Variants in PTPRN2 observed in about 807,000 individuals in gnomAD.
The protein encoded by PTPRN2 is protein tyrosine phosphatase receptor type N2.
PTPRN2 carries 74 observed loss-of-function variants against 118.8 expected under a neutral mutation model. The observed-to-expected ratio is 0.62, with a 90% CI of 0.52 to 0.76. The LOEUF (loss-of-function observed/expected upper bound fraction) is 0.76. Ranked by LOEUF, PTPRN2 falls within the 30% of genes least tolerant of loss-of-function variation. The probability of loss-of-function intolerance (pLI) is 0.00; values close to 1 mark genes in which losing one functional copy is unlikely to be tolerated. For synonymous variants in PTPRN2, 641 were observed against 608.0 expected, an observed-to-expected ratio of 1.05 and a Z score of -0.80; for missense variants, 1,481 against 1,394.4, an observed-to-expected ratio of 1.06 and a Z score of -0.99.
At chr7:158,507,942 A>C (rs1159201365) in intron 1 of PTPRN2, among the ~76,000 whole-genome samples, 5 of 148,982 alleles carry the variant, frequency 3.4e-5, no homozygotes, top group Non-Finnish European at 7.4e-5. Context: ...TGGGCAGGAA[A>C]TCACACACAT....
intron 12 of PTPRN2, among the ~76,000 whole-genome samples, chr7:157,812,207 G>T (rs1806089771): frequency 6.6e-6 from 1 of 152,184 alleles, no homozygotes; most frequent in African/African-American, 2.4e-5. Context: ...TGGATGTGAG[G>T]TCCGCTCATT....
chr7:157,844,273 A>G (rs34252025), intron 12 of PTPRN2, among the ~76,000 whole-genome samples: 79 of 152,056 alleles, frequency 5.2e-4, no homozygotes, highest in Non-Finnish European at 9.7e-4. Flanking sequence ...ACGGCCACAC[A>G]CTCTCTGAAG....
chr7:158,357,872 C>T lies in PTPRN2; in HGVS notation c.164-40940G>A, dbSNP rs56313979. Among the ~76,000 whole-genome samples, 999 of 152,338 alleles carry T rather than the reference C, an allele frequency of 6.6e-3. 2 individuals carry two copies. The highest frequency in any genetic ancestry group is 8.4e-3 in the African/African-American group (351 of 41,574). On this transcript the variant is annotated intron_variant, in intron 2 of 22. Transcript: ENST00000389418. ...CCGCCAGCCCTCAACTCTGGCTCACCGTCCCACCACCAACTAGAGGGCCCC... is the reference window on the plus strand; with the variant it reads ...CCGCCAGCCCTCAACTCTGGCTCACTGTCCCACCACCAACTAGAGGGCCCC...
intron 10 of PTPRN2, among the ~76,000 whole-genome samples, chr7:158,103,654 G>A (rs570062901): frequency 3.3e-5 from 5 of 152,162 alleles, no homozygotes; most frequent in Non-Finnish European, 7.4e-5. Context: ...GTTTCAAACA[G>A]CTCAGGGGCA....
At chr7:158,166,747 G>A (rs1232140853) in intron 6 of PTPRN2, among the ~76,000 whole-genome samples, 184 bp downstream of exon 6, 2 of 152,200 alleles carry the variant, frequency 1.3e-5, no homozygotes, top group African/African-American at 4.8e-5. Context: ...CTCCTTCCCA[G>A]CACAGAGAGG....
chr7:157,986,812 G>T lies in PTPRN2; in HGVS notation c.1724-88075C>A, dbSNP rs879365953. Among the ~76,000 whole-genome samples, 1 of 152,172 alleles carries T rather than the reference G, an allele frequency of 6.6e-6. No individual in the cohort carries two copies. On this transcript the variant is annotated intron_variant, in intron 11 of 22. Transcript: ENST00000389418. This position sits in a 1 kb window ranked among gnomAD's most constrained non-coding sequence, Gnocchi z 4.5. ...GCAGAGGAGACATTTTGGAGCAGGT[G>T]GTCGGTGCCCACCCACTGACAGGAG...
At chr7:157,848,959 C>G (rs868712612) in intron 12 of PTPRN2, among the ~76,000 whole-genome samples, 1 of 152,350 alleles carries the variant, frequency 6.6e-6, no homozygotes, top group Non-Finnish European at 1.5e-5. Context: ...GGACATATGT[C>G]AGGCTCTCAC....
At chr7:158,245,521 G>T (rs917919220) in intron 3 of PTPRN2, among the ~76,000 whole-genome samples, 6 of 152,170 alleles carry the variant, frequency 3.9e-5, no homozygotes, top group African/African-American at 1.4e-4. Context: ...CAAACCAGGG[G>T]CCTTTCATCC....
intron 13 of PTPRN2, among the ~76,000 whole-genome samples, chr7:157,663,322 C>T (rs535925476): frequency 3.9e-5 from 6 of 152,310 alleles, no homozygotes; most frequent in African/African-American, 9.6e-5. Flanking sequence ...CACTGGCTGT[C>T]GGCCGTCCTG....
intron 21 of PTPRN2, among the ~76,000 whole-genome samples, chr7:157,553,629 G>A (rs1220833071): frequency 1.3e-5 from 2 of 152,224 alleles, no homozygotes; most frequent in Non-Finnish European, 1.5e-5. Context: ...AGAACCGGGC[G>A]GAAATACAAA....
intron 5 of PTPRN2, among the ~76,000 whole-genome samples, chr7:158,188,336 T>C (rs865841776): frequency 2.9e-5 from 1 of 33,932 alleles, no homozygotes; most frequent in African/African-American, 1.1e-4. Context: ...CGCCCCCTGA[T>C]GGGGAAGGCC....
intron 22 of PTPRN2, among the ~76,000 whole-genome samples, chr7:157,543,710 T>G (rs221262): frequency 0.98 from 149,347 of 152,336 alleles, 73,225 homozygotes; most frequent in East Asian, 1. Context: ...ACCTCAGTGA[T>G]CGTGTCTCTG....
intron 2 of PTPRN2, among the ~76,000 whole-genome samples, chr7:158,336,524 A>C (rs1457076912): frequency 7.1e-5 from 9 of 126,574 alleles, no homozygotes; most frequent in African/African-American, 3.1e-4. Flanking sequence ...CTCTCACCAT[A>C]AGAGGTGAAA....
chr7:157,558,401 C>A (rs929317391), intron 21 of PTPRN2, among the ~76,000 whole-genome samples: 1 of 152,250 alleles, frequency 6.6e-6, no homozygotes, highest in African/African-American at 2.4e-5. Context: ...CACACACACC[C>A]ACATGGGGGC....
intron 2 of PTPRN2, among the ~76,000 whole-genome samples, chr7:158,379,567 G>A (rs879871320): frequency 5.3e-5 from 8 of 151,894 alleles, no homozygotes; most frequent in African/African-American, 9.7e-5. Flanking sequence ...CACACCTCAC[G>A]GGTGGAGCAG....
intron 1 of PTPRN2, among the ~76,000 whole-genome samples, chr7:158,490,676 T>C (rs1586790808): frequency 1.3e-5 from 2 of 152,192 alleles, no homozygotes; most frequent in African/African-American, 4.8e-5. Flanking sequence ...AAAGGCCAGG[T>C]GTGGTGTGAA....
At chr7:157,833,622 C>T (rs192948173) in intron 12 of PTPRN2, among the ~76,000 whole-genome samples, 323 of 152,192 alleles carry the variant, frequency 2.1e-3, no homozygotes, top group African/African-American at 7.3e-3. Context: ...GTGGCCGGAG[C>T]CCATCCATCC....
intron 3 of PTPRN2, among the ~76,000 whole-genome samples, chr7:158,270,836 C>CCA (rs1798351176): frequency 5.0e-5 from 2 of 40,338 alleles, no homozygotes; most frequent in African/African-American, 1.5e-4. Context: ...ACCTGGATGA[C>CCA]CCCCTCACCT....
chr7:157,543,058 C>T (rs1237412406), intron 22 of PTPRN2, among the ~76,000 whole-genome samples: 1 of 152,178 alleles, frequency 6.6e-6, no homozygotes, highest in African/African-American at 2.4e-5. Flanking sequence ...TGCTCTAGAT[C>T]CCGGGTAGGC....
Sources: gnomAD v4.1 joint callset for allele counts (sites outside exome capture counted in the v4.1 genomes callset) on GRCh38, gnomAD v4.1.1 for gene constraint, Gnocchi (gnomAD v3.1) non-coding constraint, MANE v1.5 for transcripts, NCBI Gene and HGNC (gene_info 2026-07-23, HGNC 2026-07-21) for gene names.